CACNA2D1: variants seen among roughly 807,000 people sequenced by gnomAD.
The protein encoded by CACNA2D1 is calcium voltage-gated channel auxiliary subunit alpha2delta 1.
In CACNA2D1, 53 loss-of-function variants were observed where a neutral mutation model predicts 171.5. That is an observed-to-expected ratio of 0.31 (90% CI 0.25 to 0.39). The LOEUF (loss-of-function observed/expected upper bound fraction) is 0.39. CACNA2D1 is among the 10% of genes least tolerant of loss of function. The probability of loss-of-function intolerance (pLI) is 1.00; values close to 1 mark genes in which losing one functional copy is unlikely to be tolerated. For synonymous variants in CACNA2D1, 442 were observed against 443.1 expected, an observed-to-expected ratio of 1.00 and a Z score of 0.03; for missense variants, 903 against 1,299.8, an observed-to-expected ratio of 0.69 and a Z score of 4.69.
chr7:82,079,228 C>T (rs1809381912), intron 7 of CACNA2D1, among the ~76,000 whole-genome samples: 1 of 152,160 alleles, frequency 6.6e-6, no homozygotes, highest in South Asian at 2.1e-4. Context: ...AGATTTAATG[C>T]TTCTTATTCT....
chr7:82,074,986 AT>A (rs1243169426), intron 7 of CACNA2D1, among the ~76,000 whole-genome samples: 10 of 151,928 alleles, frequency 6.6e-5, no homozygotes, highest in Non-Finnish European at 1.3e-4. Flanking sequence ...TACATTAGGT[AT>A]TTTTCCTCAT....
intron 1 of CACNA2D1, among the ~76,000 whole-genome samples, chr7:82,354,675 A>G (rs1820222127): frequency 6.6e-6 from 1 of 152,188 alleles, no homozygotes; most frequent in Non-Finnish European, 1.5e-5. Context: ...GAATAGCTGG[A>G]AAGTATTTAA....
chr7:82,132,067 G>C (rs896593472), intron 5 of CACNA2D1, among the ~76,000 whole-genome samples: 2 of 152,066 alleles, frequency 1.3e-5, no homozygotes, highest in Non-Finnish European at 2.9e-5. Flanking sequence ...TACAGTTCTT[G>C]ACTTTCACTG....
chr7:82,039,237 A>AT (rs1803662241), intron 10 of CACNA2D1, among the ~76,000 whole-genome samples: 1 of 148,506 alleles, frequency 6.7e-6, no homozygotes, highest in Admixed American at 6.8e-5. Context: ...GTTATTACAT[A>AT]TTCTTGCAAA....
At chr7:82,378,792 A>G (rs17156228) in intron 1 of CACNA2D1, among the ~76,000 whole-genome samples, 4,988 of 152,266 alleles carry the variant, frequency 0.033, 266 homozygotes, top group African/African-American at 0.11. Flanking sequence ...TGAAGCCACC[A>G]TTGAAGATGT....
intron 28 of CACNA2D1, 84 bp downstream of exon 28, chr7:81,969,797 T>G: frequency 1.3e-6 from 1 of 760,950 alleles, no homozygotes; most frequent in Non-Finnish European, 2.3e-6. Context: ...ACATAAAATG[T>G]AGTGATTTGG....
Position 82,335,569 on chromosome 7 carries a change from C to T in CACNA2D1, c.178-318G>A, listed in dbSNP as rs138780656. ...ACTGGGTATTATCTGTCATCAGCAT[C>T]GTAAGAGAAAGGGTAGCCATCCTAG... On this transcript the variant is annotated intron_variant, in intron 2 of 38. Coordinates refer to ENST00000356860, the MANE Select transcript of CACNA2D1 (RefSeq NM_000722.4). Among the ~76,000 whole-genome samples, 1,167 of 152,122 alleles carry T rather than the reference C, an allele frequency of 7.7e-3. 19 individuals are homozygous for T. The highest frequency in any genetic ancestry group is 0.026 in the African/African-American group (1,059 of 41,488).
intron 1 of CACNA2D1, among the ~76,000 whole-genome samples, chr7:82,384,124 A>G (rs1033612938): frequency 2.6e-5 from 4 of 152,188 alleles, no homozygotes; most frequent in Non-Finnish European, 5.9e-5. Flanking sequence ...ATTTCATCTG[A>G]CTAAAACCAA....
intron 3 of CACNA2D1, among the ~76,000 whole-genome samples, chr7:82,220,351 G>A (rs1801612703): frequency 6.6e-6 from 1 of 152,034 alleles, no homozygotes; most frequent in Admixed American, 6.6e-5. Flanking sequence ...CGCTGCTTGG[G>A]TTTAGGTGGA....
At chr7:82,095,827 A>G (rs1302129873) in intron 6 of CACNA2D1, among the ~76,000 whole-genome samples, 2 of 152,194 alleles carry the variant, frequency 1.3e-5, no homozygotes, top group Admixed American at 6.5e-5. Flanking sequence ...GATGGGTATC[A>G]TCTGAATCAG....
chr7:82,344,266 A>G (rs1388374157), intron 2 of CACNA2D1, among the ~76,000 whole-genome samples: 1 of 152,140 alleles, frequency 6.6e-6, no homozygotes, highest in African/African-American at 2.4e-5. Flanking sequence ...AAGTATTTCC[A>G]TACCATCCCA....
chr7:82,357,200 C>A lies in CACNA2D1; in HGVS notation c.96-7551G>T, dbSNP rs1369176599. Reference sequence around the variant, plus strand: ...TTGTTCCTTTCAAGGTTGGATTTGTCTGTAATGTGGCTTTCAAAAGAGTAG... The same window carrying A: ...TTGTTCCTTTCAAGGTTGGATTTGTATGTAATGTGGCTTTCAAAAGAGTAG... On this transcript the variant is annotated intron_variant, in intron 1 of 38. Coordinates refer to ENST00000356860, the MANE Select transcript of CACNA2D1 (RefSeq NM_000722.4). 2.0e-5 allele frequency among the ~76,000 whole-genome samples: 3 copies of A among 152,074 alleles called. No homozygotes were observed. The East Asian group carries it at 5.8e-4, about 29-fold the overall frequency.
intron 2 of CACNA2D1, among the ~76,000 whole-genome samples, chr7:82,336,715 A>C (rs1340439035): frequency 6.6e-6 from 1 of 152,218 alleles, no homozygotes; most frequent in Admixed American, 6.5e-5. Context: ...TTCATTTCAG[A>C]CTAAGATAAG....
At chr7:82,422,140 G>A (rs1585905173) in intron 1 of CACNA2D1, among the ~76,000 whole-genome samples, 1 of 152,172 alleles carries the variant, frequency 6.6e-6, no homozygotes, top group South Asian at 2.1e-4. Context: ...ATGTTTAAGG[G>A]TCATCTTGCC....
chr7:82,378,271 T>C (rs1000890406), intron 1 of CACNA2D1, among the ~76,000 whole-genome samples: 1 of 152,134 alleles, frequency 6.6e-6, no homozygotes, highest in African/African-American at 2.4e-5. Context: ...TGGTGGCATG[T>C]GCCTGTAGTC....
chr7:82,290,840 C>G (rs894053217), intron 3 of CACNA2D1, among the ~76,000 whole-genome samples: 4 of 151,962 alleles, frequency 2.6e-5, no homozygotes, highest in African/African-American at 9.7e-5. Flanking sequence ...AGGTGATCCA[C>G]TCACCTCGGC....
intron 3 of CACNA2D1, among the ~76,000 whole-genome samples, chr7:82,310,425 A>G (rs913538885): frequency 6.6e-6 from 1 of 152,044 alleles, no homozygotes; most frequent in Non-Finnish European, 1.5e-5. Context: ...AGACAAAACT[A>G]AATGGGCATA....
In CACNA2D1 at chr7:82,024,697, T is replaced by C. The variant is rs368264876; in HGVS notation, c.1143+8100A>G. Among the ~76,000 whole-genome samples, 564 of 151,836 alleles carry C rather than the reference T, an allele frequency of 3.7e-3. 5 individuals carry two copies. Among genetic ancestry groups the C allele is most frequent in the African/African-American group, 0.013 (539 of 41,518 alleles). ...TTTATTACCTATGTTTTTAGTGCTG[T>C]ATCCATGAAATCATTACCAAAATAA... On this transcript the variant is annotated intron_variant, in intron 12 of 38. Coordinates refer to ENST00000356860, the MANE Select transcript of CACNA2D1 (RefSeq NM_000722.4).
chr7:82,277,358 C>T (rs926260209), intron 3 of CACNA2D1, among the ~76,000 whole-genome samples: 1 of 151,988 alleles, frequency 6.6e-6, no homozygotes, highest in East Asian at 1.9e-4. Flanking sequence ...CCCACCACCA[C>T]GCCCAGATAA....
Sources: allele counts gnomAD v4.1 joint callset (sites outside exome capture counted in the v4.1 genomes callset), GRCh38; gene constraint gnomAD v4.1.1; transcripts MANE v1.5; gene names NCBI Gene and HGNC (gene_info 2026-07-23, HGNC 2026-07-21).